HELZ2: variants seen among roughly 807,000 people sequenced by gnomAD.
HELZ2 encodes helicase with zinc finger 2.
HELZ2 carries 143 observed loss-of-function variants against 208.8 expected under a neutral mutation model. That is an observed-to-expected ratio of 0.68 (90% confidence interval 0.60 to 0.79). The LOEUF is 0.79. Ranked by LOEUF, HELZ2 falls within the 30% of genes least tolerant of loss-of-function variation. The pLI is 0.00. For synonymous variants in HELZ2, 1,705 were observed against 1,693.7 expected, an observed-to-expected ratio of 1.01 and a Z score of -0.16; for missense variants, 3,690 against 3,794.5, an observed-to-expected ratio of 0.97 and a Z score of 0.72.
At position 63,566,461 on chromosome 20, in the gene HELZ2, C is replaced by T. The variant is rs142514352; in HGVS notation, c.2515-8G>A. The T allele has an allele frequency of 4.2e-4, 652 of 1,547,628 alleles. 4 individuals carry two copies. The African/African-American group carries it at 7.5e-3, about 18-fold the overall frequency. On this transcript the variant is annotated splice_polypyrimidine_tract_variant and splice_region_variant and intron_variant, in intron 6 of 18. Coordinates refer to ENST00000467148, the Ensembl canonical transcript of HELZ2. ...CTGCCTCAGTGCACTGACCTGAAGA[C>T]GCAGCAGGGCCGGGGATGAGTGCTG...
chr20:63,572,456 C>G, upstream of HELZ2: 1 of 1,417,010 alleles, frequency 7.1e-7, no homozygotes, highest in South Asian at 1.5e-5. Flanking sequence ...CCCCACAAAC[C>G]TGCAGTAGGC....
In HELZ2 at chr20:63,565,298, T is replaced by C. The variant is rs1265609111; in HGVS notation, c.3524A>G (p.Gln1175Arg). The change falls in exon 8 of 19, where the codon CAG becomes CGG. Residue 1175 changes from glutamine (Q) to arginine (R), a missense_variant. Gln to Arg is a conservative substitution (Grantham distance 43). Around this residue, in one of 3 missense-constraint regions of HELZ2, gnomAD observed 2,564 missense variants for 2,580.5 expected, o/e 0.99. Transcript: ENST00000467148. ...GGGCGCCTTGTCTCCCGAAAGGAGC[T>C]GCACCAGCACCTCATCCCCGGCGAA... The C allele has an allele frequency of 1.9e-6, 3 of 1,606,068 alleles. No individual in the cohort carries two copies. The South Asian group carries it at 3.3e-5, about 18-fold the overall frequency.
At chr20:63,570,994 T>C (rs2083011056) in intron 1 of HELZ2, 126 bp from the exon 3 acceptor site, 1 of 716,752 alleles carries the variant, frequency 1.4e-6, no homozygotes, top group South Asian at 2.1e-5. Context: ...TCCCACCCAC[T>C]CCTGTGCTCC....
chr20:63,566,035 C>T, exon 8 of HELZ2: 1 of 1,592,038 alleles, frequency 6.3e-7, no homozygotes, highest in Non-Finnish European at 8.5e-7. Context: ...GGATGAAGCT[C>T]TCCCAGAGCT....
chr20:63,563,356 G>C (rs768783601), exon 8 of HELZ2: 2 of 1,537,930 alleles, frequency 1.3e-6, no homozygotes, highest in South Asian at 1.2e-5. Flanking sequence ...CCGTCTCCAC[G>C]GCCAGGGTGT....
chr20:63,560,947 C>G lies in HELZ2; in HGVS notation c.7147-18G>C, dbSNP rs1600967087. 1 of 1,610,958 alleles carries G rather than the reference C, an allele frequency of 6.2e-7. No homozygotes were observed. The highest frequency in any genetic ancestry group is 8.5e-7 in the Non-Finnish European group (1 of 1,178,700). ...AGAACCACCTGGAGGAATAGGCAGG[C>G]CTGGCCCTGACACCCCTAGACCCAG... On this transcript the variant is annotated intron_variant, in intron 14 of 18. Transcript: ENST00000467148.
chr20:63,558,891 C>T (rs1047445577), downstream of HELZ2: 2 of 197,502 alleles, frequency 1.0e-5, no homozygotes, highest in Non-Finnish European at 2.1e-5. Context: ...TCCACAGACA[C>T]CATCCAGAGT....
Position 63,559,459 on chromosome 20 carries a change from CAGTCAGGGTCAGGTGGGAGG to C in HELZ2, c.7826-109_7826-90del, listed in dbSNP as rs1569026489. 220 of 1,028,682 alleles carry C rather than the reference CAGTCAGGGTCAGGTGGGAGG, an allele frequency of 2.1e-4. 5 individuals are homozygous for C. The highest frequency in any genetic ancestry group is 1.5e-3 in the East Asian group (43 of 28,442). The allele number at this position is 1,028,682 out of a possible 1,614,324, so 63.7% of individuals were successfully genotyped here. On this transcript the variant is annotated intron_variant, in intron 18 of 18. Transcript: ENST00000467148. ...GGAGGAGTCAGGGTCAGGTGGGAGT[CAGTCAGGGTCAGGTGGGAGG>C]AGTCAGGGTCAGGTGGGAGGAGTCA...
At chr20:63,561,847 T>C in exon 11 of HELZ2, 1 of 1,563,318 alleles carries the variant, frequency 6.4e-7, no homozygotes, top group Non-Finnish European at 8.7e-7. Context: ...ACCGACTTGT[T>C]GGAGGGGCCG....
chr20:63,565,118 G>A (rs531583863), exon 8 of HELZ2: 11 of 1,572,404 alleles, frequency 7.0e-6, no homozygotes, highest in African/African-American at 4.0e-5. Flanking sequence ...GGGGACCTGC[G>A]ATGGGTCCTT....
chr20:63,572,501 A>C, upstream of HELZ2: 2 of 1,146,242 alleles, frequency 1.7e-6, no homozygotes, highest in South Asian at 1.6e-5. Context: ...CGGCCTCACC[A>C]CCACAAACTG....
At chr20:63,565,634 G>C in exon 8 of HELZ2, 1 of 1,610,768 alleles carries the variant, frequency 6.2e-7, no homozygotes, top group Non-Finnish European at 8.5e-7. Flanking sequence ...CCCGTCCCAC[G>C]GCCAGAAGTC....
exon 8 of HELZ2, chr20:63,564,876 T>C: frequency 6.2e-7 from 1 of 1,612,350 alleles, no homozygotes; most frequent in Non-Finnish European, 8.5e-7. Flanking sequence ...ACCTTGGTGA[T>C]GGTGGCCTGG....
At chr20:63,570,288 T>C (rs746502426) in intron 3 of HELZ2, 15 of 690,340 alleles carry the variant, frequency 2.2e-5, no homozygotes, top group Non-Finnish European at 3.3e-5. Context: ...ATATACTCCA[T>C]AGAATAACCC....
chr20:63,573,401 C>T (rs1471929951), upstream of HELZ2, among the ~76,000 whole-genome samples: 2 of 152,180 alleles, frequency 1.3e-5, no homozygotes, highest in Non-Finnish European at 2.9e-5. This position sits in a 1 kb window ranked among gnomAD's most constrained non-coding sequence, Gnocchi z 4.9. Flanking sequence ...CAAGTGGAGG[C>T]CTTGGCAGTA....
chr20:63,568,948 C>T (rs765649083), exon 5 of HELZ2: 63 of 1,606,412 alleles, frequency 3.9e-5, no homozygotes, highest in African/African-American at 5.3e-5. Context: ...GCATGTTCAG[C>T]GCTGGCGTCT....
exon 8 of HELZ2, chr20:63,563,855 T>C: frequency 6.3e-7 from 1 of 1,596,544 alleles, no homozygotes; most frequent in Non-Finnish European, 8.5e-7. Context: ...GCCGCCCTGC[T>C]GCTGGTGGCC....
At chr20:63,564,030 G>C (rs1356876919) in exon 8 of HELZ2, 3 of 1,605,000 alleles carry the variant, frequency 1.9e-6, no homozygotes, top group East Asian at 4.5e-5. Context: ...GAGGCCAGGA[G>C]GTGCAGCCGC....
exon 6 of HELZ2, chr20:63,567,427 A>G: frequency 6.4e-7 from 1 of 1,567,740 alleles, no homozygotes; most frequent in East Asian, 2.4e-5. Flanking sequence ...GGTGGTGACC[A>G]CCACGCGGTG....
Sources: gnomAD v4.1 joint callset for allele counts (sites outside exome capture counted in the v4.1 genomes callset) on GRCh38, gnomAD v4.1.1 for gene constraint, gnomAD v4.1.1 regional missense constraint, Gnocchi (gnomAD v3.1) non-coding constraint, MANE v1.5 for transcripts, NCBI Gene and HGNC (gene_info 2026-07-23, HGNC 2026-07-21) for gene names.